GIGYF2: variants seen among roughly 807,000 people sequenced by gnomAD.
The protein encoded by GIGYF2 is GRB10 interacting GYF protein 2.
Under a neutral mutation model 208.1 loss-of-function variants are expected in GIGYF2, and 25 were observed. The ratio of observed to expected loss-of-function variants is 0.12; its 90% CI spans 0.09 to 0.17. The LOEUF (loss-of-function observed/expected upper bound fraction) is 0.17. Among genes scored for constraint, GIGYF2 ranks in the 10% least tolerant of loss-of-function variants. The pLI, the probability that GIGYF2 is intolerant of heterozygous loss-of-function variation, is 1.00. For synonymous variants in GIGYF2, 534 were observed against 543.8 expected, an observed-to-expected ratio of 0.98 and a Z score of 0.25; for missense variants, 1,302 against 1,579.4, an observed-to-expected ratio of 0.82 and a Z score of 2.98.
rs1402626577 is a variant in GIGYF2, at chr2:232,857,148, T to TG, written c.*289dup. ...TTTAGGCAGCATGTGTTCACTGTGC[T>TG]GTGATTTCATCTACTGTCTCCCAGA... On this transcript the variant is annotated 3_prime_UTR_variant, in exon 29 of 29. Coordinates refer to ENST00000373563, the MANE Select transcript of GIGYF2 (RefSeq NM_001103146.3). 4 of 501,358 alleles carry TG rather than the reference T, an allele frequency of 8.0e-6. No homozygotes were observed. Among genetic ancestry groups the TG allele is most frequent in the African/African-American group, 5.8e-5 (3 of 51,848 alleles). The allele number at this position is 501,358 out of a possible 1,614,324, so 31.1% of individuals were successfully genotyped here.
intron 3 of GIGYF2, among the ~76,000 whole-genome samples, chr2:232,739,885 A>G (rs1184040605): frequency 6.8e-6 from 1 of 147,128 alleles, no homozygotes; most frequent in Non-Finnish European, 1.5e-5. Context: ...GGATCACTTG[A>G]GGTCAAGAGT....
At position 232,811,484 on chromosome 2, in the gene GIGYF2, TAAA is replaced by T. The variant is rs949771676; in HGVS notation, c.2006+137_2006+139del. On this transcript the variant is annotated intron_variant, in intron 17 of 28. Coordinates refer to ENST00000373563, the MANE Select transcript of GIGYF2 (RefSeq NM_001103146.3). The stretch of plus-strand genomic sequence containing the variant: ...CCAACACATACCTGCATGTTGTATG[TAAA>T]AAAGTATATTTTAAAAAAATATTTC... The T allele has an allele frequency of 1.0e-5, 7 of 671,644 alleles. No individual in the cohort carries two copies. The African/African-American group carries it at 1.3e-4, about 12-fold the overall frequency. The allele number at this position is 671,644 out of a possible 1,614,324, so 41.6% of individuals were successfully genotyped here.
At chr2:232,743,901 GTGTTGC>G (rs1276462644) in intron 3 of GIGYF2, among the ~76,000 whole-genome samples, 10 of 152,278 alleles carry the variant, frequency 6.6e-5, no homozygotes, top group African/African-American at 2.4e-4. Flanking sequence ...GTGGAATGCA[GTGTTGC>G]GATCATGGCT....
chr2:232,729,729 A>T, intron 2 of GIGYF2: 1 of 755,194 alleles, frequency 1.3e-6, no homozygotes, highest in Non-Finnish European at 2.4e-6. Flanking sequence ...CACTCCTCTA[A>T]TTTTGCCATA....
intron 22 of GIGYF2, among the ~76,000 whole-genome samples, chr2:232,834,799 C>T (rs1381761506): frequency 6.6e-6 from 1 of 151,358 alleles, no homozygotes; most frequent in Non-Finnish European, 1.5e-5. Flanking sequence ...CTTTCTTTTG[C>T]CAGTTCAGAT....
intron 9 of GIGYF2, among the ~76,000 whole-genome samples, chr2:232,789,318 G>A (rs1412745975): frequency 1.3e-5 from 2 of 152,130 alleles, no homozygotes; most frequent in African/African-American, 2.4e-5. Context: ...ACCTAGGAAA[G>A]TCAGTAAGAG....
intron 23 of GIGYF2, among the ~76,000 whole-genome samples, chr2:232,843,419 G>C (rs943737213): frequency 6.6e-6 from 1 of 151,724 alleles, no homozygotes; most frequent in Non-Finnish European, 1.5e-5. Flanking sequence ...TTAGCCAGGC[G>C]TGGTGTGGTG....
At chr2:232,802,443 T>A (rs1700425718) in intron 14 of GIGYF2, among the ~76,000 whole-genome samples, 1 of 152,174 alleles carries the variant, frequency 6.6e-6, no homozygotes, top group Non-Finnish European at 1.5e-5. Context: ...CTTAGTTTCT[T>A]GACCCTTATG....
In GIGYF2 at chr2:232,768,127, A is replaced by G; in HGVS notation, c.532+6691A>G. ...ATTGAAAAAAGAAAACATGAGATAC[A>G]GTAAAGAAAAAGTAGCTGCATAACT... On this transcript the variant is annotated intron_variant, in intron 8 of 28. Coordinates refer to ENST00000373563, the MANE Select transcript of GIGYF2 (RefSeq NM_001103146.3). 5 of 1,521,540 alleles carry G rather than the reference A, an allele frequency of 3.3e-6. No homozygotes were observed. In the South Asian group the frequency reaches 5.7e-5, roughly 17 times the overall value. 94.3% of individuals were successfully genotyped at this position (1,521,540 alleles called of 1,614,324 possible). A position where few individuals can be genotyped will look rare whatever the true frequency, so the allele number is the denominator to read the frequency against.
In GIGYF2 at chr2:232,823,074, A is replaced by G. The variant is rs183747509; in HGVS notation, c.2529+3089A>G. On this transcript the variant is annotated intron_variant, in intron 21 of 28. Coordinates refer to ENST00000373563, the MANE Select transcript of GIGYF2 (RefSeq NM_001103146.3). ...AATGAATAGATACTGAGGTTGTAAA[A>G]TGCTTTATCTGCATTGATTGATGAT... 7.1e-4 allele frequency among the ~76,000 whole-genome samples: 108 copies of G among 152,260 alleles called. 1 individual carries two copies. The highest frequency in any genetic ancestry group is 2.5e-3 in the African/African-American group (103 of 41,562).
At chr2:232,748,956 T>G in intron 4 of GIGYF2, 31 bp from the exon 5 acceptor site, 1 of 937,588 alleles carries the variant, frequency 1.1e-6, no homozygotes, top group Non-Finnish European at 1.8e-6. Flanking sequence ...GAAATAGCAT[T>G]AATCTCATAA....
chr2:232,768,238 G>C, intron 8 of GIGYF2: 1 of 1,613,820 alleles, frequency 6.2e-7, no homozygotes. Flanking sequence ...TCAATGCTTT[G>C]TCCATTGATG....
At chr2:232,824,213 G>C (rs1300165615) in intron 21 of GIGYF2, among the ~76,000 whole-genome samples, 2 of 152,188 alleles carry the variant, frequency 1.3e-5, no homozygotes, top group Non-Finnish European at 2.9e-5. Context: ...GGGTTCAAGT[G>C]AAAGGAAGAG....
Position 232,812,457 on chromosome 2 carries a change from C to G in GIGYF2, c.2073C>G (p.Ile691Met). 7 of 1,537,952 alleles carry G rather than the reference C, an allele frequency of 4.6e-6. No homozygotes were observed. Among genetic ancestry groups the G allele is most frequent in the Non-Finnish European group, 6.3e-6 (7 of 1,111,164 alleles). ...RSVSVPDTGS[I>M]WELQPTASQP... ...TGTCCGTGCCAGATACTGGCTCTAT[C>G]TGGGAGCTTCAGCCAACAGCTTCAC... The change falls in exon 18 of 29, where the codon ATC becomes ATG. Residue 691 changes from isoleucine to methionine, a missense_variant. Physicochemically the swap from Ile to Met is conservative, Grantham distance 10. Transcript: ENST00000373563.
At chr2:232,717,494 T>C (rs1272572714) in intron 2 of GIGYF2, among the ~76,000 whole-genome samples, 3 of 152,326 alleles carry the variant, frequency 2.0e-5, no homozygotes, top group East Asian at 3.9e-4. Flanking sequence ...TGTTTAGTAG[T>C]CTCCTCTTCC....
At chr2:232,735,625 T>A in intron 3 of GIGYF2, 1 of 693,848 alleles carries the variant, frequency 1.4e-6, no homozygotes, top group African/African-American at 1.9e-5. Context: ...ATTTGAGAAA[T>A]AGTTTTCATT....
rs1281654668 is a variant in GIGYF2, at chr2:232,858,536, T to TA, written c.*1680dup. ...GTTGGGGGTGGGTAAGAGGGATAGTTAAAATGTTTACAAAACTTTAGGCTC... is the reference window on the plus strand; with the variant it reads ...GTTGGGGGTGGGTAAGAGGGATAGTTAAAAATGTTTACAAAACTTTAGGCTC... On this transcript the variant is annotated 3_prime_UTR_variant, in exon 29 of 29. Coordinates refer to ENST00000373563, the MANE Select transcript of GIGYF2 (RefSeq NM_001103146.3). The TA allele has an allele frequency of 8.8e-6, 4 of 456,462 alleles. No individual in the cohort carries two copies. The highest frequency in any genetic ancestry group is 6.2e-5 in the South Asian group (4 of 64,556). 28.3% of individuals were successfully genotyped at this position (456,462 alleles called of 1,614,324 possible).
At chr2:232,758,123 A>T (rs910579727) in intron 6 of GIGYF2, among the ~76,000 whole-genome samples, 1 of 152,156 alleles carries the variant, frequency 6.6e-6, no homozygotes, top group Admixed American at 6.5e-5. Context: ...TTGTAATTAT[A>T]ATCTGTGGTT....
At position 232,796,088 on chromosome 2, in the gene GIGYF2, C is replaced by G; in HGVS notation, c.1506C>G (p.Leu502=). 6.2e-7 allele frequency: 1 copy of G among 1,611,764 alleles called. No homozygotes were observed. Among genetic ancestry groups the G allele is most frequent in the Non-Finnish European group, 8.5e-7 (1 of 1,178,006 alleles). ...EQQAEKMVAY[L]QDSALDDERL... ...AAGCTGAGAAAATGGTGGCTTATCTCCAAGACAGTGCACTAGATGATGAAA... is the reference window on the plus strand; with the variant it reads ...AAGCTGAGAAAATGGTGGCTTATCTGCAAGACAGTGCACTAGATGATGAAA... Residue 502 remains leucine, a synonymous_variant, in exon 14 of 29, where the codon CTC becomes CTG. Transcript: ENST00000373563.
Sources: allele counts gnomAD v4.1 joint callset (sites outside exome capture counted in the v4.1 genomes callset), GRCh38; gene constraint gnomAD v4.1.1; transcripts MANE v1.5; gene names NCBI Gene and HGNC (gene_info 2026-07-23, HGNC 2026-07-21).